The following TENT4B variants were observed in gnomAD, a reference collection of about 807,000 sequenced individuals.
TENT4B encodes terminal nucleotidyltransferase 4B.
TENT4B carries 10 observed loss-of-function variants against 75.0 expected under a neutral mutation model. The ratio of observed to expected loss-of-function variants is 0.13; its 90% CI spans 0.08 to 0.23. The LOEUF is 0.23. TENT4B is among the 10% of genes least tolerant of loss of function. TENT4B has a pLI of 1.00. For missense variants in TENT4B, 579 were observed against 893.8 expected (o/e 0.65, Z 4.49); for synonymous variants, 350 against 357.7 (o/e 0.98, Z 0.24).
intron 4 of TENT4B, among the ~76,000 whole-genome samples, chr16:50,217,204 AATTT>A (rs2031605217): frequency 6.6e-6 from 1 of 151,980 alleles, no homozygotes; most frequent in South Asian, 2.1e-4. Flanking sequence ...TGGGCATATT[AATTT>A]ATTTAACTGT....
chr16:50,173,838 C>T (rs1015652690), intron 1 of TENT4B, among the ~76,000 whole-genome samples: 17 of 152,002 alleles, frequency 1.1e-4, no homozygotes, highest in African/African-American at 3.6e-4. Context: ...GGATTACAGG[C>T]GCCCGCCACC....
intron 1 of TENT4B, among the ~76,000 whole-genome samples, chr16:50,188,564 G>A (rs2038579932): frequency 6.6e-6 from 1 of 152,218 alleles, no homozygotes; most frequent in African/African-American, 2.4e-5. Flanking sequence ...TGAAAACACA[G>A]CATTTAAAAA....
In TENT4B at chr16:50,230,085, G is replaced by A; in HGVS notation, c.*757G>A. The A allele has an allele frequency of 8.1e-6, 8 of 984,276 alleles. No individual in the cohort carries two copies. The South Asian group carries it at 1.4e-4, about 17-fold the overall frequency. The allele number at this position is 984,276 out of a possible 1,614,324, so 61.0% of individuals were successfully genotyped here. On this transcript the variant is annotated 3_prime_UTR_variant, in exon 12 of 12. Coordinates refer to ENST00000561678, the MANE Select transcript of TENT4B (RefSeq NM_001365324.3). ...AAAAATTTTTCCTCTCTAAAGAAAA[G>A]GTTTATGGTGGCAAATGATGTTTAT...
intron 5 of TENT4B, 98 bp from the exon 6 acceptor site, chr16:50,222,208 A>G: frequency 8.7e-7 from 1 of 1,155,454 alleles, no homozygotes; most frequent in Non-Finnish European, 1.2e-6. Flanking sequence ...GTATATCTCT[A>G]CCAAATTTTA....
At chr16:50,215,208 A>G (rs2031488352) in intron 3 of TENT4B, among the ~76,000 whole-genome samples, 1 of 152,192 alleles carries the variant, frequency 6.6e-6, no homozygotes, top group East Asian at 1.9e-4. Flanking sequence ...ACATTCCATC[A>G]TGGTTATTAT....
intron 2 of TENT4B, among the ~76,000 whole-genome samples, chr16:50,212,258 A>G (rs1027902935): frequency 3.3e-5 from 5 of 151,850 alleles, no homozygotes; most frequent in African/African-American, 4.8e-5. Context: ...GAGTCTCACT[A>G]TGTTGCCCAG....
chr16:50,197,186 C>A (rs1459988748), intron 1 of TENT4B, among the ~76,000 whole-genome samples: 4 of 151,910 alleles, frequency 2.6e-5, no homozygotes, highest in African/African-American at 9.7e-5. Context: ...GTTTCCTTAA[C>A]CTGTTAAAGA....
chr16:50,184,426 T>C (rs1035917287), intron 1 of TENT4B, among the ~76,000 whole-genome samples: 1 of 152,064 alleles, frequency 6.6e-6, no homozygotes. Context: ...CCCAGCACTT[T>C]GGGAGGCTGA....
chr16:50,208,001 C>G (rs2031077025), intron 1 of TENT4B, among the ~76,000 whole-genome samples: 2 of 152,158 alleles, frequency 1.3e-5, no homozygotes, highest in Admixed American at 1.3e-4. Flanking sequence ...GATATTTTAT[C>G]TGGTTGTTCT....
intron 5 of TENT4B, among the ~76,000 whole-genome samples, chr16:50,220,654 G>A (rs1278481877): frequency 6.6e-6 from 1 of 151,982 alleles, no homozygotes; most frequent in Non-Finnish European, 1.5e-5. Context: ...TCAGCCTCCA[G>A]AATAGCTGGG....
At chr16:50,225,598 A>C (rs1008774858) in intron 10 of TENT4B, among the ~76,000 whole-genome samples, 1 of 152,144 alleles carries the variant, frequency 6.6e-6, no homozygotes, top group Non-Finnish European at 1.5e-5. Context: ...GATCCATTTC[A>C]AAGTAGATTA....
intron 1 of TENT4B, among the ~76,000 whole-genome samples, chr16:50,187,800 G>A (rs2038561952): frequency 6.6e-6 from 1 of 151,586 alleles, no homozygotes; most frequent in Non-Finnish European, 1.5e-5. Flanking sequence ...CAAGGTGGGA[G>A]GATTCCTTGA....
intron 1 of TENT4B, among the ~76,000 whole-genome samples, chr16:50,205,425 C>G (rs1172257027): frequency 1.3e-5 from 2 of 152,132 alleles, no homozygotes; most frequent in Non-Finnish European, 2.9e-5. Flanking sequence ...CCTAACTCTC[C>G]TGCCTGTGCC....
chr16:50,153,557 A>AGGCGGCGGC lies in TENT4B; in HGVS notation c.-55_-47dup, dbSNP rs1226373207. Reference sequence around the variant, plus strand: ...GCAGCCGAGGCCGGGCGTGCGCCTGAGGCGGCGGCGGCGGCGGCCCTGCGG... The same window carrying AGGCGGCGGC: ...GCAGCCGAGGCCGGGCGTGCGCCTGAGGCGGCGGCGGCGGCGGCGGCGGCGGCCCTGCGG... On this transcript the variant is annotated 5_prime_UTR_variant, in exon 1 of 12. Transcript: ENST00000561678. 1.2e-5 allele frequency: 11 copies of AGGCGGCGGC among 950,006 alleles called. No individual in the cohort carries two copies. The highest frequency in any genetic ancestry group is 2.1e-5 in the African/African-American group (1 of 46,634). 58.8% of individuals were successfully genotyped at this position (950,006 alleles called of 1,614,324 possible). A position where few individuals can be genotyped will look rare whatever the true frequency, so the allele number is the denominator to read the frequency against.
chr16:50,167,651 A>T (rs2038127196), intron 1 of TENT4B, among the ~76,000 whole-genome samples: 2 of 115,956 alleles, frequency 1.7e-5, no homozygotes, highest in Admixed American at 1.8e-4. Flanking sequence ...GGTCTTTGAT[A>T]CATTTTGAGG....
rs753377452 is a variant in TENT4B at position 50,223,289 on chromosome 16, A to G, written c.1283A>G (p.Lys428Arg). ...TATTTAAAGACTGGCATCCGGATAA[A>G]GGATGGTGGTTCATATGTGGCCAAA... ...FNYLKTGIRI[K>R]DGGSYVAKDE... Residue 428 changes from lysine to arginine, a missense_variant, in exon 7 of 12, where the codon AAG becomes AGG. Transcript: ENST00000561678. The G allele has an allele frequency of 6.2e-7, 1 of 1,613,830 alleles. No individual in the cohort carries two copies. Among genetic ancestry groups the G allele is most frequent in the South Asian group, 1.1e-5 (1 of 91,074 alleles).
intron 1 of TENT4B, among the ~76,000 whole-genome samples, chr16:50,186,029 T>G (rs1184106457): frequency 1.3e-5 from 2 of 152,156 alleles, no homozygotes; most frequent in African/African-American, 2.4e-5. Context: ...TAGCTTAACG[T>G]TTTTCTTATT....
chr16:50,155,272 G>GGTGTGGGTGTGT (rs1555506871), intron 1 of TENT4B, among the ~76,000 whole-genome samples: 2 of 135,372 alleles, frequency 1.5e-5, no homozygotes, highest in Non-Finnish European at 3.1e-5. Context: ...GGGTCTCGTG[G>GGTGTGGGTGTGT]GTGTGTGTGT....
intron 3 of TENT4B, among the ~76,000 whole-genome samples, chr16:50,215,313 T>C (rs1481828873): frequency 6.6e-6 from 1 of 152,200 alleles, no homozygotes; most frequent in African/African-American, 2.4e-5. Flanking sequence ...CAACTTAAAG[T>C]GTGCTGAAGT....
Sources: gnomAD v4.1 joint callset for allele counts (sites outside exome capture counted in the v4.1 genomes callset) on GRCh38, gnomAD v4.1.1 for gene constraint, MANE v1.5 for transcripts, NCBI Gene and HGNC (gene_info 2026-07-23, HGNC 2026-07-21) for gene names.